Variants in PDE1C observed in about 807,000 individuals in gnomAD.
PDE1C encodes phosphodiesterase 1C.
PDE1C carries 62 observed loss-of-function variants against 93.1 expected under a neutral mutation model. That is an observed-to-expected ratio of 0.67 (90% CI 0.54 to 0.82). The LOEUF (loss-of-function observed/expected upper bound fraction) is 0.82. Among genes scored for constraint, PDE1C ranks in the 40% least tolerant of loss-of-function variants. The probability of loss-of-function intolerance (pLI) is 0.00; values close to 1 mark genes in which losing one functional copy is unlikely to be tolerated. For missense variants in PDE1C, 742 were observed against 884.6 expected, an observed-to-expected ratio of 0.84 and a Z score of 2.04; for synonymous variants, 325 against 310.1, an observed-to-expected ratio of 1.05 and a Z score of -0.50.
intron 2 of PDE1C, among the ~76,000 whole-genome samples, chr7:31,912,101 T>G (rs1204763813): frequency 6.6e-6 from 1 of 152,128 alleles, no homozygotes; most frequent in African/African-American, 2.4e-5. Flanking sequence ...GAGGCAGAAG[T>G]GATGTTAACA....
intron 1 of PDE1C, among the ~76,000 whole-genome samples, chr7:32,276,834 T>C (rs1811322114): frequency 6.6e-6 from 1 of 152,062 alleles, no homozygotes; most frequent in South Asian, 2.1e-4. Flanking sequence ...GAGAAATAAC[T>C]GGAAATTAAG....
At chr7:32,271,604 T>C (rs574898571) in intron 1 of PDE1C, among the ~76,000 whole-genome samples, 1 of 152,272 alleles carries the variant, frequency 6.6e-6, no homozygotes, top group African/African-American at 2.4e-5. Context: ...AACGTTCTTG[T>C]GAAAATGTAG....
At chr7:32,358,403 C>T (rs967512584) in intron 1 of PDE1C, among the ~76,000 whole-genome samples, 3 of 152,240 alleles carry the variant, frequency 2.0e-5, no homozygotes, top group Non-Finnish European at 4.4e-5. Context: ...ACAGCAGCCC[C>T]TCTCAAGCTG....
chr7:31,786,201 T>C (rs1399434571), intron 16 of PDE1C: 2 of 152,126 alleles, frequency 1.3e-5, no homozygotes, highest in Non-Finnish European at 2.9e-5. Context: ...GGATTCTCAG[T>C]AAATCCACTG....
At chr7:31,678,171 A>C in the PDE1C span, among the ~76,000 whole-genome samples, 1 of 152,198 alleles carries the variant, frequency 6.6e-6, no homozygotes, top group African/African-American at 2.4e-5. Flanking sequence ...TCTTCCCTAC[A>C]TGATTTATAA....
intron 3 of PDE1C, among the ~76,000 whole-genome samples, chr7:32,095,544 C>A (rs573486111): frequency 1.4e-4 from 21 of 152,304 alleles, no homozygotes; most frequent in Admixed American, 1.4e-3. Flanking sequence ...CCAGCCCTAA[C>A]CTGGGCCAAG....
At chr7:32,184,837 C>A (rs977810070) in intron 2 of PDE1C, among the ~76,000 whole-genome samples, 4 of 152,148 alleles carry the variant, frequency 2.6e-5, no homozygotes, top group Non-Finnish European at 5.9e-5. Context: ...CTTGGCCGGG[C>A]ACTGTGGCTC....
At chr7:31,919,319 A>G (rs1325592897) in intron 2 of PDE1C, among the ~76,000 whole-genome samples, 1 of 152,146 alleles carries the variant, frequency 6.6e-6, no homozygotes, top group African/African-American at 2.4e-5. Flanking sequence ...CGAGATGCAT[A>G]ACTTTAGACA....
At chr7:32,073,562 T>C (rs932576756), upstream of PDE1C, among the ~76,000 whole-genome samples, 12 of 152,214 alleles carry the variant, frequency 7.9e-5, no homozygotes, top group Non-Finnish European at 1.3e-4. Context: ...CAGCTCTTAG[T>C]GCCCAATGCT....
intron 3 of PDE1C, among the ~76,000 whole-genome samples, chr7:32,090,351 ATGC>A (rs1797402294): frequency 6.6e-6 from 1 of 152,164 alleles, no homozygotes; most frequent in South Asian, 2.1e-4. Flanking sequence ...GACATTTCTT[ATGC>A]TGCCTTCCCA....
chr7:31,768,788 T>A (rs1795300180), intron 17 of PDE1C, among the ~76,000 whole-genome samples: 1 of 152,130 alleles, frequency 6.6e-6, no homozygotes, highest in Non-Finnish European at 1.5e-5. Flanking sequence ...CTTGTTGACA[T>A]ACTTCCCTTA....
chr7:32,300,099 A>C (rs1294005364), upstream of PDE1C, among the ~76,000 whole-genome samples: 1 of 148,518 alleles, frequency 6.7e-6, no homozygotes, highest in Non-Finnish European at 1.5e-5. Flanking sequence ...ACCTTGTCCC[A>C]AAAAAAACAC....
At chr7:32,330,083 C>A (rs115315612) in intron 1 of PDE1C, among the ~76,000 whole-genome samples, 1 of 152,244 alleles carries the variant, frequency 6.6e-6, no homozygotes, top group Non-Finnish European at 1.5e-5. Flanking sequence ...TTTGGCCCAC[C>A]TTTCCCAAAA....
At chr7:31,720,640 A>C in the PDE1C span, among the ~76,000 whole-genome samples, 2 of 152,218 alleles carry the variant, frequency 1.3e-5, no homozygotes, top group Non-Finnish European at 2.9e-5. Flanking sequence ...GCAATAAAAA[A>C]ACTCAATAGC....
At position 32,350,547 on chromosome 7, in the gene PDE1C, AATATATATATATATATATATAT is replaced by A. The variant is rs1180195472; in HGVS notation, c.310+77253_310+77274del. 9.7e-5 allele frequency among the ~76,000 whole-genome samples: 4 copies of A among 41,044 alleles called. 1 individual carries two copies. Among genetic ancestry groups the A allele is most frequent in the African/African-American group, 4.7e-4 (4 of 8,478 alleles). 26.9% of individuals were successfully genotyped at this position (41,044 alleles called of 152,430 possible). ...TAAGGTCTATGCATGGCATTTGACT[AATATATATATATATATATATAT>A]ATATATATATATATATATATATTTT... is the stretch of plus-strand genomic sequence containing the variant. On this transcript the variant is annotated intron_variant, in intron 1 of 1. Coordinates refer to the PDE1C transcript ENST00000672256.
intron 1 of PDE1C, among the ~76,000 whole-genome samples, chr7:32,425,818 G>A (rs1392421308): frequency 6.6e-6 from 1 of 152,134 alleles, no homozygotes; most frequent in Non-Finnish European, 1.5e-5. Context: ...GCATGTACCT[G>A]TAGTCCCAAC....
intron 1 of PDE1C, among the ~76,000 whole-genome samples, chr7:32,234,518 T>A (rs1373149959): frequency 6.6e-6 from 1 of 151,988 alleles, no homozygotes; most frequent in African/African-American, 2.4e-5. Flanking sequence ...ACAACTTACA[T>A]AAAACTTAGA....
At chr7:32,403,657 C>T (rs1784994500) in intron 1 of PDE1C, among the ~76,000 whole-genome samples, 1 of 152,198 alleles carries the variant, frequency 6.6e-6, no homozygotes, top group Admixed American at 6.5e-5. Context: ...CTTCTCCAAT[C>T]ATCCTAAAAC....
chr7:31,845,507 A>C (rs1185024110), intron 9 of PDE1C, among the ~76,000 whole-genome samples: 1 of 152,070 alleles, frequency 6.6e-6, no homozygotes, highest in African/African-American at 2.4e-5. Flanking sequence ...GGAGGGAAAC[A>C]TCACACACTG....
Sources: allele counts gnomAD v4.1 joint callset (sites outside exome capture counted in the v4.1 genomes callset), GRCh38; gene constraint gnomAD v4.1.1; transcripts MANE v1.5; gene names NCBI Gene and HGNC (gene_info 2026-07-23, HGNC 2026-07-21).